Variants in JAKMIP3 observed in about 807,000 individuals in gnomAD.
JAKMIP3 encodes the protein janus kinase and microtubule-interacting protein 3.
A neutral mutation model predicts 118.5 loss-of-function variants in JAKMIP3; 58 were observed. The ratio of observed to expected loss-of-function variants is 0.49; its 90% CI spans 0.40 to 0.61. The LOEUF (loss-of-function observed/expected upper bound fraction) is 0.61, where lower values mean the gene tolerates loss of function less well. Ranked by LOEUF, JAKMIP3 falls within the 20% of genes least tolerant of loss-of-function variation. The pLI is 0.00. For missense variants in JAKMIP3, 950 were observed against 1,109.0 expected (o/e 0.86, Z 2.04); for synonymous variants, 486 against 451.2 (o/e 1.08, Z -0.98).
chr10:132,149,480 C>A lies in JAKMIP3; in HGVS notation c.1917C>A (p.Leu639=). ...CCTTCGTGGACGGGAAGAGCCCCCT[C>A]CAGGTGTACTGCGAGGCCGAAGGTG... The part of the protein sequence containing the change: ...HTPFVDGKSP[L]QVYCEAEGVT... Residue 639 remains leucine, a synonymous_variant, in exon 15 of 24, where the codon CTC becomes CTA. Coordinates refer to ENST00000684848, the MANE Select transcript of JAKMIP3 (RefSeq NM_001323087.2). 1 of 1,603,212 alleles carries A rather than the reference C, an allele frequency of 6.2e-7. No individual in the cohort carries two copies.
At chr10:132,159,541 G>A (rs1424195087) in intron 19 of JAKMIP3, among the ~76,000 whole-genome samples, 4 of 122,202 alleles carry the variant, frequency 3.3e-5, no homozygotes, top group East Asian at 2.6e-4. Flanking sequence ...ATGCTGGGAG[G>A]GTCTCTCCCT....
intron 9 of JAKMIP3, among the ~76,000 whole-genome samples, chr10:132,139,049 A>AGAGTGTGTGTGTGTGTGT (rs71228743): frequency 2.7e-5 from 4 of 150,080 alleles, no homozygotes; most frequent in Non-Finnish European, 5.9e-5. Flanking sequence ...CTTTATGTTG[A>AGAGTGTGTGTGTGTGTGT]GTGTGTGTGT....
intron 20 of JAKMIP3, among the ~76,000 whole-genome samples, chr10:132,164,273 C>A (rs1395076884): frequency 6.6e-6 from 1 of 152,178 alleles, no homozygotes; most frequent in South Asian, 2.1e-4. Context: ...CTTGGGGGAC[C>A]CCAGGCGCCA....
intron 1 of JAKMIP3, among the ~76,000 whole-genome samples, chr10:132,071,866 TCTTTCTTTCCTTC>T (rs2039963924): frequency 1.9e-5 from 2 of 103,706 alleles, no homozygotes; most frequent in Non-Finnish European, 3.6e-5. Flanking sequence ...TTCTTTCCTT[TCTTTCTTTCCTTC>T]CTTTCTTTCT....
chr10:132,136,152 A>G, intron 6 of JAKMIP3, 76 bp downstream of exon 6: 1 of 1,504,226 alleles, frequency 6.6e-7, no homozygotes, highest in South Asian at 1.2e-5. Context: ...TCTCCACGCA[A>G]GATTTAGCAT....
intron 10 of JAKMIP3, 113 bp from the exon 11 acceptor site, chr10:132,141,807 C>A: frequency 7.3e-6 from 9 of 1,229,502 alleles, no homozygotes; most frequent in Non-Finnish European, 1.0e-5. Flanking sequence ...GAGACCCCCC[C>A]ATACACCATT....
chr10:132,123,145 C>A (rs1309055526), intron 3 of JAKMIP3, among the ~76,000 whole-genome samples: 1 of 152,184 alleles, frequency 6.6e-6, no homozygotes, highest in African/African-American at 2.4e-5. Context: ...GCACTTTCCA[C>A]CCACAGGTGC....
chr10:132,142,418 G>A (rs12778266), intron 11 of JAKMIP3, among the ~76,000 whole-genome samples: 32,066 of 152,074 alleles, frequency 0.21, 4,265 homozygotes, highest in Non-Finnish European at 0.3. Context: ...CATCGAGCTC[G>A]GTGTTGAAAC....
At chr10:132,080,536 TTTTA>T (rs2041615644) in intron 1 of JAKMIP3, among the ~76,000 whole-genome samples, 4 of 109,022 alleles carry the variant, frequency 3.7e-5, no homozygotes, top group African/African-American at 1.5e-4. Flanking sequence ...TTTTTTTTTT[TTTTA>T]AGATGGAGTC....
rs73399718 is a variant in JAKMIP3 at position 132,173,282 on chromosome 10, A to G, written c.*1103+4249A>G. On this transcript the variant is annotated intron_variant, in intron 23 of 23. Coordinates refer to ENST00000684848, the MANE Select transcript of JAKMIP3 (RefSeq NM_001323087.2). The stretch of plus-strand genomic sequence containing the variant: ...CCACAAGTTCTTAGTGATGCCTCCA[A>G]TTCCAGGCCAATGGTGTGTGGTTCT... Among the ~76,000 whole-genome samples, 731 of 135,234 alleles carry G rather than the reference A, an allele frequency of 5.4e-3. 4 individuals are homozygous for G. Among genetic ancestry groups the G allele is most frequent in the African/African-American group, 0.019 (671 of 35,226 alleles). The allele number at this position is 135,234 out of a possible 152,430, so 88.7% of individuals were successfully genotyped here.
intron 1 of JAKMIP3, among the ~76,000 whole-genome samples, chr10:132,056,151 C>T (rs1590011250): frequency 6.6e-6 from 1 of 152,172 alleles, no homozygotes; most frequent in African/African-American, 2.4e-5. Context: ...AGTCTGGCCT[C>T]GTTCCTGGTG....
intron 3 of JAKMIP3, among the ~76,000 whole-genome samples, chr10:132,128,994 G>T (rs1475919897): frequency 6.6e-6 from 1 of 152,098 alleles, no homozygotes; most frequent in Non-Finnish European, 1.5e-5. Context: ...CTTCGTTATT[G>T]GTTATTTTTC....
upstream of JAKMIP3, among the ~76,000 whole-genome samples, chr10:132,063,656 G>A (rs552093805): frequency 2.6e-5 from 4 of 151,542 alleles, no homozygotes; most frequent in African/African-American, 9.6e-5. Flanking sequence ...TGGGCTCCGG[G>A]AGAGAACGGA....
At chr10:132,113,850 C>T (rs926300318) in intron 2 of JAKMIP3, among the ~76,000 whole-genome samples, 3 of 152,252 alleles carry the variant, frequency 2.0e-5, no homozygotes, top group African/African-American at 7.2e-5. Flanking sequence ...TTACCCGCTG[C>T]ACTGCAGTTT....
intron 14 of JAKMIP3, 64 bp downstream of exon 14, chr10:132,148,114 C>A: frequency 1.0e-6 from 1 of 997,206 alleles, no homozygotes; most frequent in East Asian, 2.6e-5. Context: ...CCTCAGCCTT[C>A]CTAACCCACA....
At chr10:132,042,812 C>A (rs1325437000) in intron 1 of JAKMIP3, among the ~76,000 whole-genome samples, 1 of 152,076 alleles carries the variant, frequency 6.6e-6, no homozygotes, top group Non-Finnish European at 1.5e-5. Context: ...TTTGTATCAG[C>A]TTTACTTGGC....
rs1343993601 is a variant in JAKMIP3, at chr10:132,137,005, G to A, written c.1117-14G>A. ...CACTCCCCAACTTGTGATGTGGGCT[G>A]CTTGGCGTTTCAGAGACAGAGAGCT... On this transcript the variant is annotated splice_polypyrimidine_tract_variant and intron_variant, in intron 6 of 23. Transcript: ENST00000684848. 11 of 1,611,598 alleles carry A rather than the reference G, an allele frequency of 6.8e-6. No homozygotes were observed. In the East Asian group the frequency reaches 1.3e-4, roughly 20 times the overall value.
At chr10:132,081,769 G>A (rs947478356) in intron 1 of JAKMIP3, among the ~76,000 whole-genome samples, 7 of 151,980 alleles carry the variant, frequency 4.6e-5, no homozygotes, top group African/African-American at 1.7e-4. Flanking sequence ...GAGGAGTCTT[G>A]GGGGGAGACG....
chr10:132,121,910 G>A (rs905526735), intron 3 of JAKMIP3, among the ~76,000 whole-genome samples: 12 of 152,080 alleles, frequency 7.9e-5, no homozygotes, highest in African/African-American at 2.9e-4. Context: ...AGGGTCTGAG[G>A]GAGTCCTGGG....
Sources: allele counts gnomAD v4.1 joint callset (sites outside exome capture counted in the v4.1 genomes callset), GRCh38; gene constraint gnomAD v4.1.1; transcripts MANE v1.5; gene names NCBI Gene and HGNC (gene_info 2026-07-23, HGNC 2026-07-21).